The following PKD1 variants were observed in gnomAD, a reference collection of about 807,000 sequenced individuals.
The protein encoded by PKD1 is polycystin-1.
A neutral mutation model predicts 361.7 loss-of-function variants in PKD1; 81 were observed. The ratio of observed to expected loss-of-function variants is 0.22; its 90% CI spans 0.19 to 0.27. The LOEUF is 0.27. Among genes scored for constraint, PKD1 ranks in the 10% least tolerant of loss-of-function variants. PKD1 has a pLI of 1.00. For missense variants in PKD1, 6,399 were observed against 6,118.3 expected (o/e 1.05, Z -1.53); for synonymous variants, 3,615 against 2,818.3 (o/e 1.28, Z -8.95).
chr16:2,092,290 C>G, intron 39 of PKD1, 102 bp from the exon 40 acceptor site: 3 of 1,283,096 alleles, frequency 2.3e-6, no homozygotes, highest in Non-Finnish European at 3.3e-6. Flanking sequence ...CGGCGCCACC[C>G]CAGGGAACCC....
chr16:2,113,003 G>C, intron 12 of PKD1, 40 bp from the exon 13 acceptor site: 1 of 1,571,486 alleles, frequency 6.4e-7, no homozygotes, highest in Non-Finnish European at 8.6e-7. Context: ...TGGCAGGTGA[G>C]AGGCCTGGCC....
In PKD1 at chr16:2,104,526, G is replaced by C. The variant is rs747927637; in HGVS notation, c.8133C>G (p.Ala2711=). Residue 2711 remains alanine (A), a synonymous_variant, in exon 22 of 46, where the codon GCC becomes GCG. Coordinates refer to ENST00000262304, the MANE Select transcript of PKD1 (RefSeq NM_001009944.3). The part of the protein sequence containing the change: ...ETTAGTVTPT[A]IGDSILNITG... ...TGATGTTGAGGATGCTGTCTCCGATGGCGGTGGGCGTCACGGTGCCCGCGG... is the reference window on the plus strand; with the variant it reads ...TGATGTTGAGGATGCTGTCTCCGATCGCGGTGGGCGTCACGGTGCCCGCGG... 6.4e-7 allele frequency: 1 copy of C among 1,562,122 alleles called. No individual in the cohort carries two copies. Among genetic ancestry groups the C allele is most frequent in the Non-Finnish European group, 8.7e-7 (1 of 1,152,576 alleles).
Position 2,116,908 on chromosome 16 carries a change from G to A in PKD1, c.1531C>T (p.Leu511Phe), listed in dbSNP as rs1451194707. The change falls in exon 7 of 46, where the codon CTC (leucine) becomes TTC (phenylalanine). Residue 511 changes from leucine to phenylalanine, a missense_variant. Leu to Phe is a conservative substitution (Grantham distance 22). Transcript: ENST00000262304. Reference protein sequence around the residue: ...HPATAEHCVRLGPTGWCNTDL... With the variant: ...HPATAEHCVRFGPTGWCNTDL... ...GTGTTACACCACCCGGTGGGCCCGA[G>A]CCGGACGCAGTGCTCGGCTGTGGCT... is the stretch of plus-strand genomic sequence containing the variant. 14 of 1,520,124 alleles carry A rather than the reference G, an allele frequency of 9.2e-6. No individual in the cohort carries two copies. Among genetic ancestry groups the A allele is most frequent in the Non-Finnish European group, 1.2e-5 (14 of 1,131,762 alleles). The allele number at this position is 1,520,124 out of a possible 1,614,324, so 94.2% of individuals were successfully genotyped here. A position where few individuals can be genotyped will look rare whatever the true frequency, so the allele number is the denominator to read the frequency against.
chr16:2,093,696 G>C lies in PKD1; in HGVS notation c.10864C>G (p.Leu3622Val). 2 of 1,599,802 alleles carry C rather than the reference G, an allele frequency of 1.3e-6. No homozygotes were observed. Among genetic ancestry groups the C allele is most frequent in the Non-Finnish European group, 1.7e-6 (2 of 1,173,010 alleles). ...AGGGTGTCATCTTCATCCGGGTGCAGCCGCTTGGCCACCAGTGAGAAGTAC... is the reference window on the plus strand; with the variant it reads ...AGGGTGTCATCTTCATCCGGGTGCACCCGCTTGGCCACCAGTGAGAAGTAC... The part of the protein sequence containing the change: ...ALYFSLVAKR[L>V]HPDEDDTLVE... The change falls in exon 37 of 46, where the codon CTG becomes GTG. Residue 3622 changes from leucine to valine, a missense_variant. By Grantham distance (32) the Leu-to-Val change is conservative. Transcript: ENST00000262304.
rs753817085 is a variant in PKD1 at position 2,102,615 on chromosome 16, C to T, written c.8967G>A (p.Gly2989=). The change falls in exon 25 of 46, where the codon GGG becomes GGA. Residue 2989 remains glycine (G), a synonymous_variant. Transcript: ENST00000262304. ...FISPGSRDPA[G]SYHLNLSSHF... ...GGCTGGAGAGGTTCAGATGGTAACT[C>T]CCCGCTGGGTCTCTGCTCCTGGGCA... 2 of 1,611,088 alleles carry T rather than the reference C, an allele frequency of 1.2e-6. No homozygotes were observed. Among genetic ancestry groups the T allele is most frequent in the East Asian group, 4.5e-5 (2 of 44,880 alleles).
rs1401597983 is a variant in PKD1, at chr16:2,118,498, C to G, written c.530-36G>C. ...CAGCCACTGGACCCCGGGTTCTGCT[C>G]CTCCTGGCTCCACCCCACGCCCCCA... On this transcript the variant is annotated intron_variant, in intron 4 of 45. Coordinates refer to ENST00000262304, the MANE Select transcript of PKD1 (RefSeq NM_001009944.3). This position sits in a 1 kb window ranked among gnomAD's most constrained non-coding sequence, Gnocchi z 6.0. The G allele has an allele frequency of 7.3e-7, 1 of 1,369,382 alleles. No homozygotes were observed. The allele number at this position is 1,369,382 out of a possible 1,614,324, so 84.8% of individuals were successfully genotyped here.
At chr16:2,113,970 A>G (rs2369064) in intron 11 of PKD1, 200 bp downstream of exon 11, 37 of 603,008 alleles carry the variant, frequency 6.1e-5, no homozygotes, top group Non-Finnish European at 8.8e-5. Flanking sequence ...TAGCGGAGCC[A>G]CTGTCAGAGC....
In PKD1 at chr16:2,112,983, T is replaced by G. The variant is rs777653624; in HGVS notation, c.2986-20A>C. ...CGTCAGCTGCAGGGACAGGCGTCAG[T>G]GAGCCCAGGTGGCAGGTGAGAGGCC... On this transcript the variant is annotated intron_variant, in intron 12 of 45. Coordinates refer to ENST00000262304, the MANE Select transcript of PKD1 (RefSeq NM_001009944.3). The G allele has an allele frequency of 3.7e-5, 59 of 1,593,524 alleles. No homozygotes were observed. Among genetic ancestry groups the G allele is most frequent in the Middle Eastern group, 4.5e-4 (2 of 4,440 alleles).
In PKD1 at chr16:2,100,581, G is replaced by C; in HGVS notation, c.9398-15C>G. 6.2e-7 allele frequency: 1 copy of C among 1,606,042 alleles called. No individual in the cohort carries two copies. Among genetic ancestry groups the C allele is most frequent in the South Asian group, 1.1e-5 (1 of 90,930 alleles). ...GGCCGTGGTACCTGGGAGGCAAGAG[G>C]GAGGGGTGGGAGGCTCGGTCTGCTG... On this transcript the variant is annotated splice_polypyrimidine_tract_variant and intron_variant, in intron 26 of 45. Transcript: ENST00000262304. The surrounding 1 kb of genome is among the most constrained non-coding windows in gnomAD (Gnocchi z 4.4).
At position 2,118,078 on chromosome 16, in the gene PKD1, C is replaced by T. The variant is rs1230494885; in HGVS notation, c.914G>A (p.Trp305Ter). 6.2e-7 allele frequency: 1 copy of T among 1,606,824 alleles called. No homozygotes were observed. Among genetic ancestry groups the T allele is most frequent in the Non-Finnish European group, 8.5e-7 (1 of 1,179,280 alleles). ...CTCGGCGGAGCCGTCTCCGAAGTCC[C>T]AGCGTGTGGCAGTGACAGGGAGCGG... ...AAPLPVTATR[W>*]DFGDGSAEVD... Residue 305 changes from tryptophan to a stop codon, truncating the protein, a stop_gained, in exon 5 of 46, where the codon TGG becomes TAG. Coordinates refer to ENST00000262304, the MANE Select transcript of PKD1 (RefSeq NM_001009944.3). LOFTEE classifies it high-confidence loss of function. This position sits in a 1 kb window ranked among gnomAD's most constrained non-coding sequence, Gnocchi z 6.0.
At chr16:2,129,532 G>A (rs1401850860) in intron 1 of PKD1, among the ~76,000 whole-genome samples, 2 of 145,892 alleles carry the variant, frequency 1.4e-5, no homozygotes, top group Non-Finnish European at 3.0e-5. Context: ...TCTCTGTTCA[G>A]ATCCTGTGAT....
Position 2,097,421 on chromosome 16 carries a change from G to A in PKD1, c.10303C>T (p.Arg3435Trp), listed in dbSNP as rs562831339. Residue 3435 changes from arginine to tryptophan, a missense_variant, in exon 33 of 46, where the codon CGG (arginine) becomes TGG (tryptophan). Physicochemically the swap from Arg to Trp is moderately radical, Grantham distance 101. Transcript: ENST00000262304. ...SDPSIVGSNL[R>W]QLARGQAGHG... ...CCCGCCTGGCCCCGTGCCAGCTGCCGCAGATTGCTACCCACAATGGACGGG... is the reference window on the plus strand; with the variant it reads ...CCCGCCTGGCCCCGTGCCAGCTGCCACAGATTGCTACCCACAATGGACGGG... 25 of 1,608,714 alleles carry A rather than the reference G, an allele frequency of 1.6e-5. No homozygotes were observed. The highest frequency in any genetic ancestry group is 4.5e-5 in the East Asian group (2 of 44,886).
chr16:2,093,865 G>A lies in PKD1; in HGVS notation c.10767C>T (p.Leu3589=). The A allele has an allele frequency of 2.5e-6, 4 of 1,570,440 alleles. No individual in the cohort carries two copies. Among genetic ancestry groups the A allele is most frequent in the Non-Finnish European group, 3.4e-6 (4 of 1,164,000 alleles). Residue 3589 remains leucine, a synonymous_variant, in exon 36 of 46, where the codon CTC becomes CTT. Coordinates refer to ENST00000262304, the MANE Select transcript of PKD1 (RefSeq NM_001009944.3). The part of the protein sequence containing the change: ...SFPPGVSVAW[L]LSSSASFLAS... ...CCAGGAAGCTGGCGCTGCTGGACAG[G>A]AGCCACGCAACACTCACGCCCGGGG...
At position 2,090,153 on chromosome 16, in the gene PKD1, G is replaced by A. The variant is rs759210811; in HGVS notation, c.12486C>T (p.Pro4162=). ...CCTTGGAGCCCCTGGAGGAGCGAGA[G>A]GGCAGCGGCTCCATCCCTTCAAAGC... is the stretch of plus-strand genomic sequence containing the variant. The part of the protein sequence containing the change: ...KVRFEGMEPL[P]SRSSRGSKVS... Residue 4162 remains proline (P), a synonymous_variant, in exon 46 of 46, where the codon CCC becomes CCT. Coordinates refer to ENST00000262304, the MANE Select transcript of PKD1 (RefSeq NM_001009944.3). 13 of 1,596,548 alleles carry A rather than the reference G, an allele frequency of 8.1e-6. No homozygotes were observed. The highest frequency in any genetic ancestry group is 1.7e-4 in the Middle Eastern group (1 of 6,002).
intron 16 of PKD1, chr16:2,107,589 G>T (rs975606955): frequency 5.3e-5 from 27 of 510,492 alleles, no homozygotes; most frequent in African/African-American, 4.2e-4. Context: ...GACATGGGCT[G>T]GGGACAGTGG....
At chr16:2,094,863 C>A (rs891601968) in intron 34 of PKD1, 1 of 153,408 alleles carries the variant, frequency 6.5e-6, no homozygotes. Context: ...CGCCGAGTCC[C>A]GGGCTCTCAG....
rs369017523 is a variant in PKD1, at chr16:2,111,621, G to C, written c.3546C>G (p.Ala1182=). 4 of 1,575,144 alleles carry C rather than the reference G, an allele frequency of 2.5e-6. No individual in the cohort carries two copies. The African/African-American group carries it at 5.4e-5, about 21-fold the overall frequency. Residue 1182 remains alanine, a synonymous_variant, in exon 15 of 46, where the codon GCC becomes GCG. Transcript: ENST00000262304. ...QSQPAANHTY[A]SRGTYHVRLE... ...GGCGCACGTGGTAGGTGCCCCTCGAGGCATAGGTGTGGTTGGCAGCCGGCT... is the reference window on the plus strand; with the variant it reads ...GGCGCACGTGGTAGGTGCCCCTCGACGCATAGGTGTGGTTGGCAGCCGGCT...
At chr16:2,132,819 T>A (rs904257045) in intron 1 of PKD1, among the ~76,000 whole-genome samples, 9 of 148,448 alleles carry the variant, frequency 6.1e-5, no homozygotes, top group African/African-American at 2.2e-4. Context: ...TGGTGGCTCA[T>A]GCCTGTAATC....
At chr16:2,115,676 C>A in intron 9 of PKD1, 51 bp from the exon 10 acceptor site, 3 of 1,552,040 alleles carry the variant, frequency 1.9e-6, no homozygotes, top group Non-Finnish European at 2.6e-6. Flanking sequence ...AGGCCACCGT[C>A]AGAGATGCCC....
Sources: gnomAD v4.1 joint callset for allele counts (sites outside exome capture counted in the v4.1 genomes callset) on GRCh38, gnomAD v4.1.1 for gene constraint, Gnocchi (gnomAD v3.1) non-coding constraint, MANE v1.5 for transcripts, NCBI Gene and HGNC (gene_info 2026-07-23, HGNC 2026-07-21) for gene names.